ALDH2: variants seen among roughly 807,000 people sequenced by gnomAD.
ALDH2 encodes aldehyde dehydrogenase 2 family member.
A neutral mutation model predicts 59.6 loss-of-function variants in ALDH2; 44 were observed. The ratio of observed to expected loss-of-function variants is 0.74; its 90% confidence interval spans 0.58 to 0.95. ALDH2 has a LOEUF of 0.95. Among genes scored for constraint, ALDH2 ranks in the 40% least tolerant of loss-of-function variants. The pLI is 0.00. For synonymous variants in ALDH2, 291 were observed against 284.0 expected, an observed-to-expected ratio of 1.02 and a Z score of -0.25; for missense variants, 570 against 696.3, an observed-to-expected ratio of 0.82 and a Z score of 2.04.
Position 111,766,945 on chromosome 12 carries a change from C to G in ALDH2, c.-38C>G. The G allele has an allele frequency of 6.7e-7, 1 of 1,500,512 alleles. No individual in the cohort carries two copies. The allele number at this position is 1,500,512 out of a possible 1,614,324, so 92.9% of individuals were successfully genotyped here. A position where few individuals can be genotyped will look rare whatever the true frequency, so the allele number is the denominator to read the frequency against. On this transcript the variant is annotated 5_prime_UTR_variant, in exon 1 of 13. Coordinates refer to ENST00000261733, the MANE Select transcript of ALDH2 (RefSeq NM_000690.4). ...GCTCAGTGGCCCTGAGACCCTAGCT[C>G]TGCTCTCGGTCCGCTCGCTGTCCGC...
rs971548532 is a variant in ALDH2, at chr12:111,799,322, C to G, written c.1249-584C>G. Among the ~76,000 whole-genome samples the G allele has an allele frequency of 3.3e-5, 5 of 151,470 alleles. No homozygotes were observed. The East Asian group carries it at 9.8e-4, about 30-fold the overall frequency. On this transcript the variant is annotated intron_variant, in intron 10 of 12. Coordinates refer to ENST00000261733, the MANE Select transcript of ALDH2 (RefSeq NM_000690.4). ...CTGGGATTACAGGCGCACACCACCA[C>G]GCCCAGCTAATTTTTCTTATTTTCA...
At chr12:111,778,787 T>G (rs547563827) in intron 1 of ALDH2, among the ~76,000 whole-genome samples, 1 of 149,144 alleles carries the variant, frequency 6.7e-6, no homozygotes, top group East Asian at 2.0e-4. Context: ...GAGCTGAGAT[T>G]GCGCCACTGC....
At position 111,799,969 on chromosome 12, in the gene ALDH2, A is replaced by AGG. The variant is rs1281338525; in HGVS notation, c.1312_1313insGG (p.Asn438ArgfsTer69). 2.5e-6 allele frequency: 4 copies of AGG among 1,613,982 alleles called. No individual in the cohort carries two copies. Among genetic ancestry groups the AGG allele is most frequent in the Non-Finnish European group, 3.4e-6 (4 of 1,180,026 alleles). On this transcript the variant is annotated frameshift_variant, in exon 11 of 13. Transcript: ENST00000261733. LOFTEE classifies it high-confidence loss of function. ...CATAGAGGAGGTTGTTGGGAGAGCC[A>AGG]ACAATTCCACGTACGGGCTGGCCGC...
chr12:111,799,378 G>T (rs1202211457), intron 10 of ALDH2, among the ~76,000 whole-genome samples: 1 of 150,176 alleles, frequency 6.7e-6, no homozygotes, highest in Non-Finnish European at 1.5e-5. Context: ...TGTTGGCCAG[G>T]CTTGTCTCCA....
At chr12:111,782,655 T>C (rs1217168912) in intron 2 of ALDH2, among the ~76,000 whole-genome samples, 1 of 152,034 alleles carries the variant, frequency 6.6e-6, no homozygotes, top group East Asian at 1.9e-4. Flanking sequence ...GAGGCCAAGG[T>C]GGGCAGATCA....
intron 11 of ALDH2, among the ~76,000 whole-genome samples, chr12:111,801,315 A>G (rs2136025139): frequency 6.6e-6 from 1 of 152,344 alleles, no homozygotes; most frequent in South Asian, 2.1e-4. Flanking sequence ...CTACAATTCA[A>G]GATGAGATTT....
intron 3 of ALDH2, 45 bp from the exon 4 acceptor site, chr12:111,785,222 C>T (rs1351508997): frequency 6.6e-7 from 1 of 1,516,508 alleles, no homozygotes; most frequent in African/African-American, 1.4e-5. Context: ...TTGTTTTCCT[C>T]TCATTCCTGC....
At chr12:111,799,121 C>G (rs1411152672) in intron 10 of ALDH2, among the ~76,000 whole-genome samples, 2 of 152,158 alleles carry the variant, frequency 1.3e-5, no homozygotes, top group East Asian at 3.9e-4. Flanking sequence ...CCTCGGCCTC[C>G]CAAAGTGCTG....
rs749574153 is a variant in ALDH2 at position 111,783,217 on chromosome 12, G to A, written c.279G>A (p.Trp93Ter). The part of the protein sequence containing the change: ...ARAAFQLGSP[W>*]RRMDASHRGR... ...CCGCCTTCCAGCTGGGCTCACCTTGGCGCCGCATGGACGCATCACACAGGG... is the reference window on the plus strand; with the variant it reads ...CCGCCTTCCAGCTGGGCTCACCTTGACGCCGCATGGACGCATCACACAGGG... The change falls in exon 3 of 13, where the codon TGG (tryptophan) becomes TGA (stop). Residue 93 changes from tryptophan to a stop codon, truncating the protein, a stop_gained. Transcript: ENST00000261733. LOFTEE classifies it high-confidence loss of function. The A allele has an allele frequency of 4.3e-6, 7 of 1,613,348 alleles. No homozygotes were observed. Among genetic ancestry groups the A allele is most frequent in the Non-Finnish European group, 5.9e-6 (7 of 1,179,698 alleles).
chr12:111,788,372 G>A (rs1161410410), intron 4 of ALDH2, among the ~76,000 whole-genome samples: 2 of 152,178 alleles, frequency 1.3e-5, no homozygotes, highest in African/African-American at 4.8e-5. Flanking sequence ...GTGGATAGAG[G>A]TCAGAGATGC....
chr12:111,798,125 G>T lies in ALDH2; in HGVS notation c.1131G>T (p.Gly377=), dbSNP rs780035440. ...FKKILGYINT[G]KQEGAKLLCG... Reference sequence around the variant, plus strand: ...AGATCCTCGGCTACATCAACACGGGGAAGCAAGAGGGGGCGAAGCTGCTGT... The same window carrying T: ...AGATCCTCGGCTACATCAACACGGGTAAGCAAGAGGGGGCGAAGCTGCTGT... Residue 377 remains glycine (G), a synonymous_variant, in exon 10 of 13, where the codon GGG becomes GGT. Coordinates refer to ENST00000261733, the MANE Select transcript of ALDH2 (RefSeq NM_000690.4). The T allele has an allele frequency of 6.2e-7, 1 of 1,614,072 alleles. No individual in the cohort carries two copies. The highest frequency in any genetic ancestry group is 8.5e-7 in the Non-Finnish European group (1 of 1,179,986).
chr12:111,767,412 G>A (rs2068167350), intron 1 of ALDH2, among the ~76,000 whole-genome samples: 1 of 152,098 alleles, frequency 6.6e-6, no homozygotes, highest in Admixed American at 6.6e-5. Context: ...TCTCCGCAGG[G>A]TCCCCACCCT....
chr12:111,772,370 T>C (rs1173401268), intron 1 of ALDH2, among the ~76,000 whole-genome samples: 1 of 152,098 alleles, frequency 6.6e-6, no homozygotes, highest in Admixed American at 6.5e-5. Flanking sequence ...CCTTTGTTTT[T>C]GTTTTTGTTT....
chr12:111,792,455 C>T (rs1419305207), intron 8 of ALDH2, 143 bp from the exon 9 acceptor site: 3 of 1,013,636 alleles, frequency 3.0e-6, no homozygotes, highest in African/African-American at 1.6e-5. Context: ...GAGAGCACCC[C>T]TCATCTCCCT....
At chr12:111,799,778 C>A in intron 10 of ALDH2, 128 bp from the exon 11 acceptor site, 1 of 1,166,384 alleles carries the variant, frequency 8.6e-7, no homozygotes, top group Non-Finnish European at 1.2e-6. Context: ...TGTTGTCTTC[C>A]CCTGGAACTG....
chr12:111,787,661 C>T (rs1021929455), intron 4 of ALDH2, among the ~76,000 whole-genome samples: 1 of 152,028 alleles, frequency 6.6e-6, no homozygotes, highest in South Asian at 2.1e-4. Context: ...TTTGGGAGGC[C>T]GAGCTGGGTG....
chr12:111,779,041 A>T (rs2068252824), intron 1 of ALDH2, among the ~76,000 whole-genome samples: 1 of 151,872 alleles, frequency 6.6e-6, no homozygotes, highest in African/African-American at 2.4e-5. Context: ...CTTTTTGTGG[A>T]GAGAGGGTCT....
Position 111,778,262 on chromosome 12 carries a change from C to T in ALDH2, c.115-3656C>T, listed in dbSNP as rs572402172. ...AATCAGGAGCAAAAGAGCCCATATT[C>T]GGCCAGGCGCGGTGGCTCACGCCTG... On this transcript the variant is annotated intron_variant, in intron 1 of 12. Coordinates refer to ENST00000261733, the MANE Select transcript of ALDH2 (RefSeq NM_000690.4). Among the ~76,000 whole-genome samples the T allele has an allele frequency of 6.6e-5, 10 of 152,148 alleles. No individual in the cohort carries two copies. The South Asian group carries it at 1.5e-3, about 22-fold the overall frequency.
chr12:111,769,089 A>T (rs944569507), intron 1 of ALDH2, among the ~76,000 whole-genome samples: 2 of 152,182 alleles, frequency 1.3e-5, no homozygotes. Flanking sequence ...CTGGGTCCAG[A>T]TATGCACCCA....
Sources: gnomAD v4.1 joint callset for allele counts (sites outside exome capture counted in the v4.1 genomes callset) on GRCh38, gnomAD v4.1.1 for gene constraint, MANE v1.5 for transcripts, NCBI Gene and HGNC (gene_info 2026-07-23, HGNC 2026-07-21) for gene names.